MKLN1: variants seen among roughly 807,000 people sequenced by gnomAD.
MKLN1 encodes muskelin.
Under a neutral mutation model 99.0 loss-of-function variants are expected in MKLN1, and 18 were observed. The ratio of observed to expected loss-of-function variants is 0.18; its 90% CI spans 0.13 to 0.27. MKLN1 has a LOEUF of 0.27. Ranked by LOEUF, MKLN1 falls within the 10% of genes least tolerant of loss-of-function variation. The pLI, the probability that MKLN1 is intolerant of heterozygous loss-of-function variation, is 1.00. For synonymous variants in MKLN1, 288 were observed against 293.2 expected (o/e 0.98, Z 0.18); for missense variants, 621 against 875.9 (o/e 0.71, Z 3.67).
rs1563278432 is a variant in MKLN1, at chr7:131,283,347, TCC to T, written c.-179+80374_-179+80375del. ...CCTCCCTCCTTCCCTTCCCTTCCCC[TCC>T]TTCCTTCCTTCCTTCCTTCCTTCCT... On this transcript the variant is annotated intron_variant, in intron 3 of 7. Coordinates refer to the MKLN1 transcript ENST00000416992. 2.9e-3 allele frequency among the ~76,000 whole-genome samples: 43 copies of T among 14,642 alleles called. 3 individuals carry two copies. Among genetic ancestry groups the T allele is most frequent in the Admixed American group, 4.4e-3 (5 of 1,134 alleles). The allele number at this position is 14,642 out of a possible 152,430, so 9.6% of individuals were successfully genotyped here. A position where few individuals can be genotyped will look rare whatever the true frequency, so the allele number is the denominator to read the frequency against.
chr7:131,220,734 A>C (rs1202400152), intron 3 of MKLN1, among the ~76,000 whole-genome samples: 1 of 152,130 alleles, frequency 6.6e-6, no homozygotes, highest in Non-Finnish European at 1.5e-5. Context: ...AGGTCTAAAA[A>C]ACATCTTAAG....
At position 131,287,535 on chromosome 7, in the gene MKLN1, C is replaced by T. The variant is rs139067873; in HGVS notation, c.-179+84561C>T. Among the ~76,000 whole-genome samples the T allele has an allele frequency of 5.0e-3, 757 of 152,178 alleles. 5 individuals are homozygous for T. The highest frequency in any genetic ancestry group is 0.017 in the African/African-American group (715 of 41,494). ...ACATGTGATTGCATTTAGGGCCTACCACAGTGATCTAGGATAAGGTCCTCC... is the reference window on the plus strand; with the variant it reads ...ACATGTGATTGCATTTAGGGCCTACTACAGTGATCTAGGATAAGGTCCTCC... On this transcript the variant is annotated intron_variant, in intron 3 of 7. Transcript: ENST00000416992.
At chr7:131,319,789 A>G (rs1798739844) in intron 3 of MKLN1, among the ~76,000 whole-genome samples, 2 of 152,182 alleles carry the variant, frequency 1.3e-5, no homozygotes, top group Non-Finnish European at 2.9e-5. Context: ...CACCAATCAT[A>G]GAGAACAGAG....
intron 1 of MKLN1, among the ~76,000 whole-genome samples, chr7:131,363,249 C>T (rs543307433): frequency 4.0e-5 from 6 of 151,724 alleles, no homozygotes; most frequent in South Asian, 2.1e-4. Flanking sequence ...TAAAGCTTTT[C>T]ACCTTTATGT....
At chr7:131,444,284 A>AT (rs1279835397) in intron 11 of MKLN1, among the ~76,000 whole-genome samples, 3 of 151,426 alleles carry the variant, frequency 2.0e-5, no homozygotes, top group Admixed American at 2.0e-4. Flanking sequence ...CGCCCGGCTA[A>AT]TTTTTTGTAT....
chr7:131,141,755 C>A (rs1795736306), intron 1 of MKLN1, among the ~76,000 whole-genome samples: 1 of 152,104 alleles, frequency 6.6e-6, no homozygotes, highest in Non-Finnish European at 1.5e-5. Context: ...GGTTAGGTTA[C>A]CTCCTAGGGC....
chr7:131,341,375 C>A (rs886509525), intron 1 of MKLN1, among the ~76,000 whole-genome samples: 1 of 152,168 alleles, frequency 6.6e-6, no homozygotes, highest in Non-Finnish European at 1.5e-5. Context: ...TGAGCAACCA[C>A]TAAACTACTT....
chr7:131,235,414 T>C (rs1262769390), intron 3 of MKLN1, among the ~76,000 whole-genome samples: 1 of 152,172 alleles, frequency 6.6e-6, no homozygotes, highest in African/African-American at 2.4e-5. Context: ...TGTTTCATTC[T>C]GGGCTCTGAT....
rs565239165 is a variant in MKLN1 at position 131,442,417 on chromosome 7, T to C, written c.1174-1064T>C. Among the ~76,000 whole-genome samples, 10 of 152,130 alleles carry C rather than the reference T, an allele frequency of 6.6e-5. No individual in the cohort carries two copies. The East Asian group carries it at 1.9e-3, about 29-fold the overall frequency. ...ACAAAATTATCCTGGCGTGGTGGCA[T>C]ATGCTGGTAATCCCAGCTACCCGGG... On this transcript the variant is annotated intron_variant, in intron 10 of 17. Transcript: ENST00000352689.
chr7:131,205,957 G>A (rs183596953), intron 3 of MKLN1, among the ~76,000 whole-genome samples: 1 of 148,166 alleles, frequency 6.7e-6, no homozygotes, highest in African/African-American at 2.5e-5. Flanking sequence ...GCAAAGGCAT[G>A]ATCTCTGCTC....
chr7:131,346,260 T>G (rs1799556498), intron 1 of MKLN1, among the ~76,000 whole-genome samples: 1 of 152,202 alleles, frequency 6.6e-6, no homozygotes, highest in African/African-American at 2.4e-5. Context: ...TGGTGGCTCA[T>G]GCCTGTAATC....
chr7:131,400,445 A>C (rs1794498966), intron 6 of MKLN1, among the ~76,000 whole-genome samples: 1 of 151,026 alleles, frequency 6.6e-6, no homozygotes, highest in Non-Finnish European at 1.5e-5. Flanking sequence ...TTTGAAATTG[A>C]GTATATTTTG....
At chr7:131,197,378 TTTATTA>T (rs139892490) in intron 2 of MKLN1, among the ~76,000 whole-genome samples, 5,061 of 139,194 alleles carry the variant, frequency 0.036, 157 homozygotes, top group African/African-American at 0.071. Flanking sequence ...TAATTAAAAT[TTTATTA>T]TTATTATTAT....
intron 12 of MKLN1, among the ~76,000 whole-genome samples, chr7:131,454,511 A>G (rs1417984682): frequency 6.6e-6 from 1 of 152,224 alleles, no homozygotes; most frequent in East Asian, 1.9e-4. Flanking sequence ...AAAATGTCCC[A>G]ACTTTCAAAG....
At chr7:131,140,127 C>T (rs1366736447) in intron 1 of MKLN1, among the ~76,000 whole-genome samples, 4 of 152,222 alleles carry the variant, frequency 2.6e-5, no homozygotes, top group East Asian at 1.9e-4. Flanking sequence ...CCGGACCCTG[C>T]TCTCTGCCAA....
At chr7:131,451,073 T>C (rs541567640) in intron 12 of MKLN1, among the ~76,000 whole-genome samples, 60 of 152,346 alleles carry the variant, frequency 3.9e-4, no homozygotes, top group Middle Eastern at 6.8e-3. Context: ...TACCTCACTT[T>C]TAAAAAGTAC....
In MKLN1 at chr7:131,424,587, A is replaced by G. The variant is rs141462718; in HGVS notation, c.848-4446A>G. 1.7e-3 allele frequency among the ~76,000 whole-genome samples: 253 copies of G among 152,304 alleles called. 2 individuals are homozygous for G. Among genetic ancestry groups the G allele is most frequent in the Middle Eastern group, 0.014 (4 of 294 alleles). ...CATTTCTACATTATTTTTAGTGCAT[A>G]TAAGATGTGTAGATTGGTACTACTG... On this transcript the variant is annotated intron_variant, in intron 8 of 17. Coordinates refer to ENST00000352689, the MANE Select transcript of MKLN1 (RefSeq NM_013255.5).
At chr7:131,250,361 G>C (rs568167318) in intron 3 of MKLN1, among the ~76,000 whole-genome samples, 70 of 152,310 alleles carry the variant, frequency 4.6e-4, no homozygotes, top group African/African-American at 1.6e-3. Flanking sequence ...GACTCCCCCG[G>C]TGTCCCCTAA....
rs531571907 is a variant in MKLN1 at position 131,388,990 on chromosome 7, T to G, written c.400+18T>G. Reference sequence around the variant, plus strand: ...TAAAATAGGTAAGATTTTAGCATTCTGAAATAGAAACAAATTCTTGATATC... The same window carrying G: ...TAAAATAGGTAAGATTTTAGCATTCGGAAATAGAAACAAATTCTTGATATC... On this transcript the variant is annotated intron_variant, in intron 4 of 17. Coordinates refer to ENST00000352689, the MANE Select transcript of MKLN1 (RefSeq NM_013255.5). 9.7e-6 allele frequency: 15 copies of G among 1,540,350 alleles called. No individual in the cohort carries two copies. Among genetic ancestry groups the G allele is most frequent in the Non-Finnish European group, 1.2e-5 (14 of 1,121,888 alleles).
Sources: gnomAD v4.1 joint callset for allele counts (sites outside exome capture counted in the v4.1 genomes callset) on GRCh38, gnomAD v4.1.1 for gene constraint, MANE v1.5 for transcripts, NCBI Gene and HGNC (gene_info 2026-07-23, HGNC 2026-07-21) for gene names.